ANKMY1: variants seen among roughly 807,000 people sequenced by gnomAD.
ANKMY1 encodes the protein ankyrin repeat and MYND domain-containing protein 1.
Under a neutral mutation model 102.0 loss-of-function variants are expected in ANKMY1, and 98 were observed. That is an observed-to-expected ratio of 0.96 (90% confidence interval 0.82 to 1.14). The LOEUF (loss-of-function observed/expected upper bound fraction) is 1.14, where lower values mean the gene tolerates loss of function less well. ANKMY1 is among the 50% of genes most tolerant of loss of function. The probability of loss-of-function intolerance (pLI) is 0.00; values close to 1 mark genes in which losing one functional copy is unlikely to be tolerated. For synonymous variants in ANKMY1, 582 were observed against 559.9 expected (o/e 1.04, Z -0.56); for missense variants, 1,330 against 1,347.6 (o/e 0.99, Z 0.20).
chr2:240,520,685 ACACG>A lies in ANKMY1; in HGVS notation c.1833-156_1833-153del. The A allele has an allele frequency of 1.1e-6, 1 of 947,858 alleles. No individual in the cohort carries two copies. The highest frequency in any genetic ancestry group is 1.5e-6 in the Non-Finnish European group (1 of 655,484). 58.7% of individuals were successfully genotyped at this position (947,858 alleles called of 1,614,324 possible). ...AATCACACACACAGCACACACCCAC[ACACG>A]CAGACACACCACACAGCACACAACT... On this transcript the variant is annotated intron_variant, in intron 8 of 17. Coordinates refer to ENST00000401804, the MANE Select transcript of ANKMY1 (RefSeq NM_001282771.3). The surrounding 1 kb of genome is among the most constrained non-coding windows in gnomAD (Gnocchi z 4.8).
intron 15 of ANKMY1, among the ~76,000 whole-genome samples, chr2:240,494,659 A>G (rs1377359167): frequency 6.6e-6 from 1 of 152,168 alleles, no homozygotes; most frequent in East Asian, 1.9e-4. Context: ...GGTCTCAGAA[A>G]GGGTGTGGAA....
In ANKMY1 at chr2:240,529,094, AACCAT is replaced by A; in HGVS notation, c.891_895del (p.Trp298HisfsTer4). The A allele has an allele frequency of 6.2e-7, 1 of 1,614,110 alleles. No individual in the cohort carries two copies. Among genetic ancestry groups the A allele is most frequent in the Non-Finnish European group, 8.5e-7 (1 of 1,180,022 alleles). On this transcript the variant is annotated frameshift_variant, in exon 5 of 18. Coordinates refer to ENST00000401804, the MANE Select transcript of ANKMY1 (RefSeq NM_001282771.3). LOFTEE classifies it high-confidence loss of function. The surrounding 1 kb of genome is among the most constrained non-coding windows in gnomAD (Gnocchi z 4.2). Reference sequence around the variant, plus strand: ...CAACAAAGGGGTCTCATTGATTATGAACCATGGTTCTCCATCCTCAACGAACGGAG... The same window carrying A: ...CAACAAAGGGGTCTCATTGATTATGAGGTTCTCCATCCTCAACGAACGGAG...
Position 240,520,301 on chromosome 2 carries a change from C to G in ANKMY1, c.2004+61G>C. The G allele has an allele frequency of 6.7e-7, 1 of 1,489,936 alleles. No individual in the cohort carries two copies. The highest frequency in any genetic ancestry group is 1.3e-5 in the South Asian group (1 of 76,178). 92.3% of individuals were successfully genotyped at this position (1,489,936 alleles called of 1,614,324 possible). A position where few individuals can be genotyped will look rare whatever the true frequency, so the allele number is the denominator to read the frequency against. On this transcript the variant is annotated intron_variant, in intron 9 of 17. Transcript: ENST00000401804. The surrounding 1 kb of genome is among the most constrained non-coding windows in gnomAD (Gnocchi z 4.8). ...CGCGCCTAGGTGGAGCGAGGAGCTT[C>G]CCGGCCAGTGCCCGGGAGTCTGCTG...
downstream of ANKMY1, among the ~76,000 whole-genome samples, chr2:240,479,013 CT>C (rs1192098134): frequency 6.6e-6 from 1 of 152,226 alleles, no homozygotes; most frequent in Non-Finnish European, 1.5e-5. Flanking sequence ...ACACTGCTCC[CT>C]GTCATGTGCT....
rs1445559666 is a variant in ANKMY1 at position 240,526,554 on chromosome 2, C to T, written c.954-109G>A. On this transcript the variant is annotated intron_variant, in intron 5 of 17. Coordinates refer to ENST00000401804, the MANE Select transcript of ANKMY1 (RefSeq NM_001282771.3). ...AATGCCTCTCCCTCTTGTGGCTCAG[C>T]CCCCCACTGTTCACTCCTCAGGTAC... The T allele has an allele frequency of 5.3e-6, 8 of 1,522,802 alleles. No individual in the cohort carries two copies. The Admixed American group carries it at 1.2e-4, about 23-fold the overall frequency. The allele number at this position is 1,522,802 out of a possible 1,614,324, so 94.3% of individuals were successfully genotyped here. A position where few individuals can be genotyped will look rare whatever the true frequency, so the allele number is the denominator to read the frequency against.
At chr2:240,476,670 C>T (rs1169136562), downstream of ANKMY1, among the ~76,000 whole-genome samples, 1 of 152,208 alleles carries the variant, frequency 6.6e-6, no homozygotes, top group African/African-American at 2.4e-5. Flanking sequence ...AAATGGATTA[C>T]TCGATCACGC....
At chr2:240,497,903 G>A (rs150099838) in intron 15 of ANKMY1, among the ~76,000 whole-genome samples, 1 of 152,224 alleles carries the variant, frequency 6.6e-6, no homozygotes, top group Non-Finnish European at 1.5e-5. Flanking sequence ...CTGATGGAAA[G>A]GAGGAGGCAG....
intron 15 of ANKMY1, among the ~76,000 whole-genome samples, chr2:240,497,582 G>A (rs967514174): frequency 5.3e-5 from 8 of 152,212 alleles, no homozygotes; most frequent in African/African-American, 1.9e-4. Context: ...TGTGAGACTT[G>A]TTATGACCAC....
At chr2:240,548,027 T>G (rs1016877415) in intron 4 of ANKMY1, among the ~76,000 whole-genome samples, 1 of 152,216 alleles carries the variant, frequency 6.6e-6, no homozygotes, top group Non-Finnish European at 1.5e-5. Flanking sequence ...GCCAGCATCA[T>G]CCTGATACCA....
intron 15 of ANKMY1, among the ~76,000 whole-genome samples, chr2:240,498,172 T>C (rs935679327): frequency 6.6e-6 from 1 of 150,862 alleles, no homozygotes; most frequent in Non-Finnish European, 1.5e-5. Flanking sequence ...GAGGGGAGGT[T>C]AGTATGTTTG....
chr2:240,516,746 T>G (rs964283367), intron 9 of ANKMY1, among the ~76,000 whole-genome samples: 1 of 152,218 alleles, frequency 6.6e-6, no homozygotes, highest in Non-Finnish European at 1.5e-5. Context: ...CTGATAACTT[T>G]GGAGATTGTG....
intron 13 of ANKMY1, among the ~76,000 whole-genome samples, chr2:240,503,028 C>A (rs1471080570): frequency 2.0e-5 from 3 of 152,190 alleles, no homozygotes; most frequent in African/African-American, 7.2e-5. Flanking sequence ...CCTCTTTAGA[C>A]CCCAGCAGCA....
intron 13 of ANKMY1, among the ~76,000 whole-genome samples, chr2:240,502,479 G>A (rs925921334): frequency 2.6e-5 from 4 of 151,926 alleles, no homozygotes; most frequent in African/African-American, 9.7e-5. Flanking sequence ...CCAACCCCTG[G>A]GAGTCACTGG....
chr2:240,529,189 G>A lies in ANKMY1; in HGVS notation c.801C>T (p.Asp267=). The part of the protein sequence containing the change: ...PEMYVYSTNS[D]HLPMTSSFRK... ...GGAAAGAGCTTGTCATGGGCAGGTG[G>A]TCACTGTTGGTCGAGTAGACATACA... Residue 267 remains aspartate, a synonymous_variant, in exon 5 of 18, where the codon GAC becomes GAT. Transcript: ENST00000401804. This position sits in a 1 kb window ranked among gnomAD's most constrained non-coding sequence, Gnocchi z 4.2. The A allele has an allele frequency of 1.2e-6, 2 of 1,614,234 alleles. No individual in the cohort carries two copies. The highest frequency in any genetic ancestry group is 1.7e-6 in the Non-Finnish European group (2 of 1,180,036).
At chr2:240,546,495 G>C (rs1367954948) in intron 4 of ANKMY1, among the ~76,000 whole-genome samples, 1 of 152,052 alleles carries the variant, frequency 6.6e-6, no homozygotes, top group East Asian at 1.9e-4. Context: ...GACAGGATCA[G>C]ATTCACACAT....
chr2:240,494,118 C>T (rs1436220350), intron 15 of ANKMY1, among the ~76,000 whole-genome samples: 1 of 152,018 alleles, frequency 6.6e-6, no homozygotes, highest in Non-Finnish European at 1.5e-5. Flanking sequence ...TGAAGCCAGG[C>T]TGGGTGGGCT....
In ANKMY1 at chr2:240,520,242, A is replaced by T; in HGVS notation, c.2004+120T>A. 7.1e-7 allele frequency: 1 copy of T among 1,410,278 alleles called. No homozygotes were observed. The highest frequency in any genetic ancestry group is 9.7e-7 in the Non-Finnish European group (1 of 1,027,478). The allele number at this position is 1,410,278 out of a possible 1,614,324, so 87.4% of individuals were successfully genotyped here. On this transcript the variant is annotated intron_variant, in intron 9 of 17. Coordinates refer to ENST00000401804, the MANE Select transcript of ANKMY1 (RefSeq NM_001282771.3). This position sits in a 1 kb window ranked among gnomAD's most constrained non-coding sequence, Gnocchi z 4.8. ...GGCGCGCCGTCATCACTCACAGCCCAGGTGGTCGCCTGCAAGAGCCCACCC... is the reference window on the plus strand; with the variant it reads ...GGCGCGCCGTCATCACTCACAGCCCTGGTGGTCGCCTGCAAGAGCCCACCC...
At chr2:240,526,147 G>A (rs531798103) in intron 6 of ANKMY1, 82 bp downstream of exon 6, 4 of 1,515,872 alleles carry the variant, frequency 2.6e-6, no homozygotes, top group Non-Finnish European at 3.7e-6. Flanking sequence ...CTCCTGCAGA[G>A]GGGGCCACAG....
upstream of ANKMY1, chr2:240,557,990 G>A: frequency 1.0e-6 from 1 of 985,500 alleles, no homozygotes; most frequent in Non-Finnish European, 1.2e-6. Flanking sequence ...TGCGCCTACG[G>A]AGAGCGTCGC....
Sources: allele counts gnomAD v4.1 joint callset (sites outside exome capture counted in the v4.1 genomes callset), GRCh38; gene constraint gnomAD v4.1.1; non-coding constraint Gnocchi (gnomAD v3.1); transcripts MANE v1.5; gene names NCBI Gene and HGNC (gene_info 2026-07-23, HGNC 2026-07-21).